CSMD1: variants seen among roughly 807,000 people sequenced by gnomAD.
CSMD1 encodes CUB and Sushi multiple domains 1.
Under a neutral mutation model 417.5 loss-of-function variants are expected in CSMD1, and 213 were observed. The ratio of observed to expected loss-of-function variants is 0.51; its 90% CI spans 0.46 to 0.57. CSMD1 has a LOEUF of 0.57. Ranked by LOEUF, CSMD1 falls within the 20% of genes least tolerant of loss-of-function variation. The pLI, the probability that CSMD1 is intolerant of heterozygous loss-of-function variation, is 0.00. For missense variants in CSMD1, 6,923 were observed against 4,529.7 expected, an observed-to-expected ratio of 1.53 and a Z score of -15.17; for synonymous variants, 2,862 against 1,736.8, an observed-to-expected ratio of 1.65 and a Z score of -16.11.
At chr8:3,707,047 G>A (rs1387878051) in intron 7 of CSMD1, among the ~76,000 whole-genome samples, 1 of 151,904 alleles carries the variant, frequency 6.6e-6, no homozygotes, top group Non-Finnish European at 1.5e-5. Flanking sequence ...GGTAGTCAGA[G>A]TATGGTAGCT....
intron 5 of CSMD1, among the ~76,000 whole-genome samples, chr8:3,921,976 C>A (rs1809305763): frequency 6.6e-6 from 1 of 152,106 alleles, no homozygotes. Flanking sequence ...TTTTGGAAAG[C>A]AGTGCATTAA....
intron 3 of CSMD1, among the ~76,000 whole-genome samples, chr8:4,084,747 C>A (rs953330738): frequency 6.6e-6 from 1 of 151,548 alleles, no homozygotes; most frequent in African/African-American, 2.4e-5. Context: ...CCACCCCCAC[C>A]CCCCTACCCA....
At chr8:4,916,956 C>T (rs530259857) in intron 1 of CSMD1, among the ~76,000 whole-genome samples, 2 of 152,186 alleles carry the variant, frequency 1.3e-5, no homozygotes, top group Non-Finnish European at 2.9e-5. Flanking sequence ...CATTAGGCAT[C>T]CGCAGGTGTA....
At chr8:4,204,950 G>C (rs565581749) in intron 3 of CSMD1, among the ~76,000 whole-genome samples, 1 of 152,240 alleles carries the variant, frequency 6.6e-6, no homozygotes, top group South Asian at 2.1e-4. Context: ...GTGAGCCACT[G>C]AATCTGGCCT....
rs1803732965 is a variant in CSMD1, at chr8:4,140,680, T to C, written c.416-108581A>G. ...AAGACCCTGTCTCAATTAAAAATAA[T>C]AATAATAGAGTAGAAAACCCATGGA... On this transcript the variant is annotated intron_variant, in intron 3 of 69. Transcript: ENST00000635120. Among the ~76,000 whole-genome samples the C allele has an allele frequency of 1.3e-5, 2 of 150,760 alleles. 1 individual carries two copies. The highest frequency in any genetic ancestry group is 5.0e-5 in the African/African-American group (2 of 40,232).
At position 4,199,099 on chromosome 8, in the gene CSMD1, C is replaced by A. The variant is rs546379335; in HGVS notation, c.416-167000G>T. On this transcript the variant is annotated intron_variant, in intron 3 of 69. Coordinates refer to ENST00000635120, the MANE Select transcript of CSMD1 (RefSeq NM_033225.6). ...TAGTAGAGCCAGCGCCCAGCTCACCCTGAGCTTCTGCTGTCCGTAAAGTTC... is the reference window on the plus strand; with the variant it reads ...TAGTAGAGCCAGCGCCCAGCTCACCATGAGCTTCTGCTGTCCGTAAAGTTC... Among the ~76,000 whole-genome samples, 6 of 152,288 alleles carry A rather than the reference C, an allele frequency of 3.9e-5. No individual in the cohort carries two copies. In the South Asian group the frequency reaches 1.0e-3, roughly 26 times the overall value.
chr8:4,583,990 C>T (rs545192139), intron 2 of CSMD1, among the ~76,000 whole-genome samples: 8 of 151,926 alleles, frequency 5.3e-5, no homozygotes, highest in African/African-American at 1.4e-4. Flanking sequence ...ACAAGCCCAC[C>T]GGGAGGGGAG....
intron 26 of CSMD1, among the ~76,000 whole-genome samples, chr8:3,255,301 G>C (rs1192995434): frequency 2.6e-5 from 4 of 152,158 alleles, no homozygotes. Flanking sequence ...ATCCCAGTTA[G>C]GCTTCTCGGG....
chr8:4,759,396 T>C (rs935469299), intron 1 of CSMD1, among the ~76,000 whole-genome samples: 2 of 152,190 alleles, frequency 1.3e-5, no homozygotes, highest in African/African-American at 2.4e-5. Context: ...TCCAATGGCA[T>C]CTGAGCATCT....
At chr8:4,772,274 AACC>A (rs1796641170) in intron 1 of CSMD1, among the ~76,000 whole-genome samples, 1 of 152,142 alleles carries the variant, frequency 6.6e-6, no homozygotes, top group African/African-American at 2.4e-5. Flanking sequence ...AGCAACAGTG[AACC>A]AGTCCTTTAC....
intron 3 of CSMD1, among the ~76,000 whole-genome samples, chr8:4,228,483 C>T (rs538013325): frequency 6.4e-4 from 98 of 152,162 alleles, no homozygotes; most frequent in African/African-American, 2.3e-3. Flanking sequence ...TCCACTGTAT[C>T]CTCCCCCAAC....
intron 26 of CSMD1, among the ~76,000 whole-genome samples, chr8:3,236,535 T>C (rs1301619290): frequency 6.6e-6 from 1 of 152,172 alleles, no homozygotes; most frequent in Non-Finnish European, 1.5e-5. Flanking sequence ...TTATGAATGA[T>C]GCAAAGATGT....
At chr8:3,274,762 T>C (rs1251871500) in intron 26 of CSMD1, among the ~76,000 whole-genome samples, 1 of 152,310 alleles carries the variant, frequency 6.6e-6, no homozygotes, top group East Asian at 1.9e-4. Flanking sequence ...CCTGCCTTTT[T>C]TTGTTTTCCA....
chr8:3,157,635 G>A (rs111285933), intron 39 of CSMD1, among the ~76,000 whole-genome samples: 11 of 152,286 alleles, frequency 7.2e-5, no homozygotes, highest in Middle Eastern at 3.4e-3. Context: ...TGTCGTTTTG[G>A]TGCAGGGCCG....
At chr8:4,015,739 T>G (rs1424711863) in intron 4 of CSMD1, among the ~76,000 whole-genome samples, 1 of 147,862 alleles carries the variant, frequency 6.8e-6, no homozygotes, top group South Asian at 2.1e-4. Context: ...ATACTGACAA[T>G]GTGTTTTGAC....
At chr8:3,334,782 G>A (rs1031662419) in intron 23 of CSMD1, among the ~76,000 whole-genome samples, 6 of 152,134 alleles carry the variant, frequency 3.9e-5, no homozygotes, top group Middle Eastern at 3.2e-3. Flanking sequence ...AGTAGAGTGG[G>A]ACTTCCTAGG....
intron 5 of CSMD1, among the ~76,000 whole-genome samples, chr8:3,928,671 A>G (rs1809923203): frequency 7.1e-6 from 1 of 141,606 alleles, no homozygotes; most frequent in Non-Finnish European, 1.5e-5. Flanking sequence ...AAGAAGGTAT[A>G]GATTTTTTTT....
At chr8:3,431,461 G>C (rs1814212952) in intron 12 of CSMD1, among the ~76,000 whole-genome samples, 1 of 152,224 alleles carries the variant, frequency 6.6e-6, no homozygotes, top group Admixed American at 6.5e-5. Context: ...AGTTTTAAAA[G>C]GCTATTTAAC....
At position 3,945,971 on chromosome 8, in the gene CSMD1, T is replaced by C. The variant is rs139150908; in HGVS notation, c.818+51932A>G. Among the ~76,000 whole-genome samples, 1,255 of 152,260 alleles carry C rather than the reference T, an allele frequency of 8.2e-3. 13 individuals are homozygous for C. The highest frequency in any genetic ancestry group is 0.028 in the African/African-American group (1,161 of 41,572). The stretch of plus-strand genomic sequence containing the variant: ...CTAATAACTTAAATTTATTGAAAGG[T>C]TATGTTCCAGACCGTATTTAAAGCA... On this transcript the variant is annotated intron_variant, in intron 5 of 69. Transcript: ENST00000635120.
Sources: allele counts gnomAD v4.1 joint callset (sites outside exome capture counted in the v4.1 genomes callset), GRCh38; gene constraint gnomAD v4.1.1; transcripts MANE v1.5; gene names NCBI Gene and HGNC (gene_info 2026-07-23, HGNC 2026-07-21).